PIGU: variants seen among roughly 807,000 people sequenced by gnomAD.
PIGU encodes phosphatidylinositol glycan anchor biosynthesis class U.
In PIGU, 24 loss-of-function variants were observed where a neutral mutation model predicts 49.9. The ratio of observed to expected loss-of-function variants is 0.48; its 90% CI spans 0.35 to 0.68. PIGU has a LOEUF of 0.68. Ranked by LOEUF, PIGU falls within the 30% of genes least tolerant of loss-of-function variation. The probability of loss-of-function intolerance (pLI) is 0.01; values close to 1 mark genes in which losing one functional copy is unlikely to be tolerated. For synonymous variants in PIGU, 220 were observed against 205.7 expected, an observed-to-expected ratio of 1.07 and a Z score of -0.59; for missense variants, 490 against 532.6, an observed-to-expected ratio of 0.92 and a Z score of 0.79.
At chr20:34,661,277 A>T (rs1986918968) in intron 1 of PIGU, among the ~76,000 whole-genome samples, 1 of 152,044 alleles carries the variant, frequency 6.6e-6, no homozygotes, top group Admixed American at 6.6e-5. Flanking sequence ...ATTGCATGTC[A>T]TAGAGGTTTG....
At chr20:34,575,431 C>A (rs757231267) in intron 10 of PIGU, among the ~76,000 whole-genome samples, 185 bp from the exon 11 acceptor site, 2 of 152,168 alleles carry the variant, frequency 1.3e-5, no homozygotes, top group African/African-American at 4.8e-5. Context: ...GCTCCCCATG[C>A]CCACAGCTGG....
intron 1 of PIGU, 27 bp from the exon 2 acceptor site, chr20:34,657,271 T>C (rs1986732550): frequency 6.3e-7 from 1 of 1,584,244 alleles, no homozygotes; most frequent in Non-Finnish European, 8.7e-7. Flanking sequence ...ACAAGTTCAC[T>C]CAGACTAAGC....
At chr20:34,561,516 GTCATC>G (rs983655999) in intron 11 of PIGU, among the ~76,000 whole-genome samples, 2 of 152,070 alleles carry the variant, frequency 1.3e-5, no homozygotes, top group African/African-American at 2.4e-5. Context: ...CAGAGCCACT[GTCATC>G]TCATCTCCTA....
At chr20:34,562,000 G>A (rs1263438988) in intron 11 of PIGU, among the ~76,000 whole-genome samples, 2 of 152,224 alleles carry the variant, frequency 1.3e-5, no homozygotes, top group African/African-American at 4.8e-5. Flanking sequence ...GAATGGTTCT[G>A]TCACTATGGT....
At chr20:34,606,035 C>G (rs1420388336) in intron 7 of PIGU, among the ~76,000 whole-genome samples, 1 of 152,120 alleles carries the variant, frequency 6.6e-6, no homozygotes, top group African/African-American at 2.4e-5. Context: ...GCGGGCGGAT[C>G]ACAAGGTCAG....
At chr20:34,577,384 G>C (rs1191507882) in intron 10 of PIGU, among the ~76,000 whole-genome samples, 1 of 152,088 alleles carries the variant, frequency 6.6e-6, no homozygotes, top group Non-Finnish European at 1.5e-5. Flanking sequence ...CATTGCAAGG[G>C]GCCTAGATGA....
chr20:34,648,137 G>A (rs1042092061), intron 2 of PIGU, among the ~76,000 whole-genome samples: 1 of 151,558 alleles, frequency 6.6e-6, no homozygotes, highest in African/African-American at 2.4e-5. Flanking sequence ...TGTAATCCAA[G>A]CTACTTGGGA....
At chr20:34,653,522 T>C (rs1386983917) in intron 2 of PIGU, among the ~76,000 whole-genome samples, 2 of 152,160 alleles carry the variant, frequency 1.3e-5, no homozygotes, top group Non-Finnish European at 2.9e-5. Context: ...TTCTTTTTTT[T>C]ACTAACTTAT....
At chr20:34,562,154 C>T (rs1004380162) in intron 11 of PIGU, among the ~76,000 whole-genome samples, 2 of 152,192 alleles carry the variant, frequency 1.3e-5, no homozygotes, top group African/African-American at 4.8e-5. Context: ...ACACCAGACC[C>T]GGAGTCTGCA....
At chr20:34,578,713 G>A (rs890083963) in intron 10 of PIGU, among the ~76,000 whole-genome samples, 5 of 152,214 alleles carry the variant, frequency 3.3e-5, no homozygotes, top group Admixed American at 6.5e-5. Flanking sequence ...GCAGGAATGG[G>A]GAGCTGCTAT....
intron 4 of PIGU, among the ~76,000 whole-genome samples, chr20:34,642,652 C>CATATATATATATATATATATCTCAT (rs1986201949): frequency 7.6e-6 from 1 of 131,434 alleles, no homozygotes; most frequent in African/African-American, 2.8e-5. Context: ...ATATATATCT[C>CATATATATATATATATATATCTCAT]ATATATATAT....
intron 1 of PIGU, among the ~76,000 whole-genome samples, chr20:34,672,334 A>G (rs756045563): frequency 1.3e-5 from 2 of 152,138 alleles, no homozygotes; most frequent in Non-Finnish European, 2.9e-5. Flanking sequence ...GTTGAAATGG[A>G]TATGTTATTT....
At chr20:34,659,093 A>G (rs1396350830) in intron 1 of PIGU, among the ~76,000 whole-genome samples, 292 of 67,344 alleles carry the variant, frequency 4.3e-3, no homozygotes, top group Middle Eastern at 0.015. Flanking sequence ...TCAGCCCCCC[A>G]CCCGGCCAGC....
chr20:34,652,698 G>A (rs1333188304), intron 2 of PIGU, among the ~76,000 whole-genome samples: 1 of 151,944 alleles, frequency 6.6e-6, no homozygotes, highest in Non-Finnish European at 1.5e-5. Flanking sequence ...TTTCCTTTCT[G>A]ATTTCTTCTT....
At chr20:34,568,445 C>T (rs566383326) in intron 11 of PIGU, among the ~76,000 whole-genome samples, 4 of 152,306 alleles carry the variant, frequency 2.6e-5, no homozygotes, top group South Asian at 2.1e-4. Context: ...CACCGCATAT[C>T]GGGAGCAACG....
chr20:34,630,874 G>A (rs763805737), intron 6 of PIGU, among the ~76,000 whole-genome samples: 11 of 152,060 alleles, frequency 7.2e-5, no homozygotes, highest in Non-Finnish European at 1.3e-4. Flanking sequence ...TGAACTCCTG[G>A]CCTCAAGCAA....
At chr20:34,582,950 C>T (rs892977785) in intron 9 of PIGU, among the ~76,000 whole-genome samples, 13 of 152,150 alleles carry the variant, frequency 8.5e-5, no homozygotes, top group Admixed American at 7.2e-4. Context: ...GATCTATACC[C>T]TCCTCAGCTA....
chr20:34,612,716 G>C (rs986563492), intron 7 of PIGU, among the ~76,000 whole-genome samples: 1 of 150,470 alleles, frequency 6.6e-6, no homozygotes, highest in African/African-American at 2.5e-5. Context: ...TCTGCCTCTC[G>C]GGTTCAAGCA....
At chr20:34,598,801 GGAA>G (rs1984299525) in intron 7 of PIGU, among the ~76,000 whole-genome samples, 1 of 152,182 alleles carries the variant, frequency 6.6e-6, no homozygotes, top group African/African-American at 2.4e-5. Flanking sequence ...CATCTCCAAG[GGAA>G]GAAGTTACAG....
Sources: allele counts gnomAD v4.1 joint callset (sites outside exome capture counted in the v4.1 genomes callset), GRCh38; gene constraint gnomAD v4.1.1; transcripts MANE v1.5; gene names NCBI Gene and HGNC (gene_info 2026-07-23, HGNC 2026-07-21).